Variants in TMTC2 observed in about 807,000 individuals in gnomAD.
TMTC2 encodes protein O-mannosyl-transferase TMTC2.
Under a neutral mutation model 82.4 loss-of-function variants are expected in TMTC2, and 43 were observed. The ratio of observed to expected loss-of-function variants is 0.52; its 90% confidence interval spans 0.41 to 0.67. The LOEUF (loss-of-function observed/expected upper bound fraction) is 0.67. TMTC2 is among the 30% of genes least tolerant of loss of function. TMTC2 has a pLI of 0.00. For synonymous variants in TMTC2, 408 were observed against 381.9 expected, an observed-to-expected ratio of 1.07 and a Z score of -0.80; for missense variants, 919 against 1,012.4, an observed-to-expected ratio of 0.91 and a Z score of 1.25.
At position 82,985,998 on chromosome 12, in the gene TMTC2, T is replaced by C. The variant is rs1879139237; in HGVS notation, c.2022T>C (p.Thr674=). Reference sequence around the variant, plus strand: ...ATATGGAATCACTGAGATCCAAGACTGACCACATCCCTGCTCATCTCACCT... The same window carrying C: ...ATATGGAATCACTGAGATCCAAGACCGACCACATCCCTGCTCATCTCACCT... ...HWYMESLRSK[T]DHIPAHLTYG... Residue 674 remains threonine (T), a synonymous_variant, in exon 8 of 12, where the codon ACT becomes ACC. Transcript: ENST00000321196. 2 of 1,614,086 alleles carry C rather than the reference T, an allele frequency of 1.2e-6. No homozygotes were observed. Among genetic ancestry groups the C allele is most frequent in the Non-Finnish European group, 1.7e-6 (2 of 1,179,944 alleles).
chr12:82,949,976 T>C lies in TMTC2; in HGVS notation c.1599-15048T>C, dbSNP rs576406449. Among the ~76,000 whole-genome samples the C allele has an allele frequency of 2.0e-5, 3 of 152,270 alleles. No individual in the cohort carries two copies. The South Asian group carries it at 6.2e-4, about 32-fold the overall frequency. ...ACGATGCAAATTCAAGATGCTTACA[T>C]GTTGGGAAGTGCATGTATAAATAAG... On this transcript the variant is annotated intron_variant, in intron 4 of 11. Transcript: ENST00000321196.
In TMTC2 at chr12:82,871,518, T is replaced by C. The variant is rs868009569; in HGVS notation, c.654+13938T>C. Among the ~76,000 whole-genome samples, 8 of 152,322 alleles carry C rather than the reference T, an allele frequency of 5.3e-5. No homozygotes were observed. The East Asian group carries it at 1.3e-3, about 26-fold the overall frequency. On this transcript the variant is annotated intron_variant, in intron 2 of 11. Transcript: ENST00000321196. ...ATATTTTCTCTCTGCCCCTAGCAAG[T>C]AGCAGACATGTATACAATAACTGTA...
At chr12:82,824,153 C>G (rs1048848648) in intron 1 of TMTC2, among the ~76,000 whole-genome samples, 2 of 152,212 alleles carry the variant, frequency 1.3e-5, no homozygotes, top group Non-Finnish European at 2.9e-5. Context: ...CTCGGCCTCC[C>G]AAAGTGCTGG....
At chr12:82,829,206 A>G (rs529887453) in intron 1 of TMTC2, among the ~76,000 whole-genome samples, 2 of 152,320 alleles carry the variant, frequency 1.3e-5, no homozygotes, top group African/African-American at 4.8e-5. Context: ...TTGATTTACA[A>G]AGCTTTTCAG....
At chr12:82,732,011 A>G (rs1302679199) in intron 1 of TMTC2, among the ~76,000 whole-genome samples, 2 of 152,204 alleles carry the variant, frequency 1.3e-5, no homozygotes, top group East Asian at 3.8e-4. Flanking sequence ...ATGCTTAGAC[A>G]AGGGTTGGGG....
chr12:82,703,484 T>A (rs1342187258), intron 1 of TMTC2, among the ~76,000 whole-genome samples: 1 of 150,682 alleles, frequency 6.6e-6, no homozygotes, highest in African/African-American at 2.4e-5. Context: ...TAATGGAAGA[T>A]AGATAGTTTC....
At chr12:82,970,613 G>A (rs1458480798) in intron 7 of TMTC2, among the ~76,000 whole-genome samples, 1 of 152,148 alleles carries the variant, frequency 6.6e-6, no homozygotes, top group Non-Finnish European at 1.5e-5. Context: ...CATTACAGGC[G>A]TGAGCCACCG....
chr12:83,018,765 G>A (rs1337566849), intron 8 of TMTC2, among the ~76,000 whole-genome samples: 2 of 151,550 alleles, frequency 1.3e-5, no homozygotes, highest in African/African-American at 2.4e-5. Flanking sequence ...GATTTACCAC[G>A]GAAACTATGC....
At chr12:82,746,707 A>G (rs964475758) in intron 1 of TMTC2, among the ~76,000 whole-genome samples, 2 of 152,210 alleles carry the variant, frequency 1.3e-5, no homozygotes, top group African/African-American at 2.4e-5. Flanking sequence ...CCAAATGGGC[A>G]TGACCCAGAT....
intron 4 of TMTC2, among the ~76,000 whole-genome samples, chr12:82,936,808 A>G (rs991119198): frequency 1.3e-5 from 2 of 152,178 alleles, no homozygotes; most frequent in Non-Finnish European, 1.5e-5. Flanking sequence ...ATTTCCATTA[A>G]TATTCAGCTT....
At chr12:82,850,364 A>G (rs1482763257) in intron 1 of TMTC2, among the ~76,000 whole-genome samples, 1 of 152,168 alleles carries the variant, frequency 6.6e-6, no homozygotes, top group African/African-American at 2.4e-5. Flanking sequence ...CCTGGATTCC[A>G]TTAATCTTTC....
chr12:82,842,843 C>A (rs1203920274), intron 1 of TMTC2, among the ~76,000 whole-genome samples: 1 of 152,094 alleles, frequency 6.6e-6, no homozygotes, highest in South Asian at 2.1e-4. Flanking sequence ...TTTTCTTGGA[C>A]ACCAGTCATG....
chr12:82,999,323 C>A lies in TMTC2; in HGVS notation c.2070+13277C>A, dbSNP rs183787534. Among the ~76,000 whole-genome samples, 8 of 152,286 alleles carry A rather than the reference C, an allele frequency of 5.3e-5. No individual in the cohort carries two copies. In the East Asian group the frequency reaches 1.2e-3, roughly 22 times the overall value. ...TAGACTATGGGGTTTGGGAGGAAAA[C>A]CACCAGAGGTAAATTATCATCCTCA... On this transcript the variant is annotated intron_variant, in intron 8 of 11. Coordinates refer to ENST00000321196, the MANE Select transcript of TMTC2 (RefSeq NM_152588.3).
At chr12:82,863,417 C>G (rs1728672659) in intron 2 of TMTC2, among the ~76,000 whole-genome samples, 1 of 152,102 alleles carries the variant, frequency 6.6e-6, no homozygotes, top group South Asian at 2.1e-4. Flanking sequence ...GGATTTCCTC[C>G]CAGTAAACTT....
chr12:83,092,679 T>C (rs1741409502), intron 11 of TMTC2, among the ~76,000 whole-genome samples: 1 of 152,176 alleles, frequency 6.6e-6, no homozygotes, highest in African/African-American at 2.4e-5. Context: ...CGTAGTTCAA[T>C]CAAATAGAAA....
chr12:83,023,480 C>T (rs1357053353), intron 8 of TMTC2, among the ~76,000 whole-genome samples: 1 of 152,330 alleles, frequency 6.6e-6, no homozygotes, highest in South Asian at 2.1e-4. Context: ...AGTTTTGTGA[C>T]CTCCTCCTTT....
At chr12:83,130,917 T>C (rs1045258270) in intron 11 of TMTC2, among the ~76,000 whole-genome samples, 1 of 152,180 alleles carries the variant, frequency 6.6e-6, no homozygotes, top group African/African-American at 2.4e-5. Context: ...AACCCAGATC[T>C]CTTAAAAATC....
chr12:82,873,005 A>G (rs921985895), intron 2 of TMTC2, among the ~76,000 whole-genome samples: 18 of 152,322 alleles, frequency 1.2e-4, no homozygotes, highest in African/African-American at 4.1e-4. Context: ...TAAAAACTAT[A>G]AATTGCCTCA....
chr12:82,818,963 T>G (rs1814232863), intron 1 of TMTC2, among the ~76,000 whole-genome samples: 1 of 152,108 alleles, frequency 6.6e-6, no homozygotes, highest in Admixed American at 6.5e-5. Context: ...TTTTTAAATT[T>G]TGGTGTGAAA....
Sources: gnomAD v4.1 joint callset for allele counts (sites outside exome capture counted in the v4.1 genomes callset) on GRCh38, gnomAD v4.1.1 for gene constraint, MANE v1.5 for transcripts, NCBI Gene and HGNC (gene_info 2026-07-23, HGNC 2026-07-21) for gene names.